The following TCF7 variants were observed in gnomAD, a reference collection of about 807,000 sequenced individuals.
The protein encoded by TCF7 is T-cell-factor-7.
Under a neutral mutation model 46.8 loss-of-function variants are expected in TCF7, and 19 were observed. That is an observed-to-expected ratio of 0.41 (90% CI 0.28 to 0.60). The LOEUF is 0.60. Ranked by LOEUF, TCF7 falls within the 20% of genes least tolerant of loss-of-function variation. TCF7 has a pLI of 0.35. For synonymous variants in TCF7, 245 were observed against 213.4 expected (o/e 1.15, Z -1.29); for missense variants, 547 against 504.6 (o/e 1.08, Z -0.81).
intron 3 of TCF7, among the ~76,000 whole-genome samples, chr5:134,136,870 C>G (rs1758938619): frequency 1.3e-5 from 2 of 152,220 alleles, no homozygotes; most frequent in Admixed American, 1.3e-4. Flanking sequence ...TGTCCCGTTT[C>G]CTCTGTGCCA....
At chr5:134,145,243 C>A in intron 9 of TCF7, 1 of 553,464 alleles carries the variant, frequency 1.8e-6, no homozygotes, top group Non-Finnish European at 3.5e-6. Context: ...CATGGGCTCC[C>A]TCACTTCCTC....
chr5:134,114,570 A>C (rs1487669378), upstream of TCF7: 1 of 151,658 alleles, frequency 6.6e-6, no homozygotes, highest in Non-Finnish European at 1.5e-5. Flanking sequence ...CGAGCCCTTT[A>C]AGGCTATGCC....
At chr5:134,126,353 A>G (rs1757343380) in intron 3 of TCF7, among the ~76,000 whole-genome samples, 1 of 152,154 alleles carries the variant, frequency 6.6e-6, no homozygotes, top group Non-Finnish European at 1.5e-5. Flanking sequence ...CCAAGGCCAC[A>G]GGGTCGATGG....
Position 134,146,656 on chromosome 5 carries a change from G to GAACT in TCF7, c.*353_*354insAACT. On this transcript the variant is annotated 3_prime_UTR_variant, in exon 10 of 10. Transcript: ENST00000342854. ...GACCCTGAAGATTTCAGAGGCTGCAGGACTTCTGCCTGAACCTGGGGTCAT... is the reference window on the plus strand; with the variant it reads ...GACCCTGAAGATTTCAGAGGCTGCAGAACTGACTTCTGCCTGAACCTGGGGTCAT... The GAACT allele has an allele frequency of 3.1e-6, 2 of 654,170 alleles. No individual in the cohort carries two copies. The highest frequency in any genetic ancestry group is 5.5e-6 in the Non-Finnish European group (2 of 366,696). The allele number at this position is 654,170 out of a possible 1,614,324, so 40.5% of individuals were successfully genotyped here.
At chr5:134,118,363 C>T (rs1469837525) in intron 3 of TCF7, among the ~76,000 whole-genome samples, 3 of 152,208 alleles carry the variant, frequency 2.0e-5, no homozygotes, top group Admixed American at 2.0e-4. Context: ...TTGCCCTTTG[C>T]CCGGCCCTCT....
intron 8 of TCF7, 49 bp downstream of exon 8, chr5:134,143,149 A>G: frequency 6.5e-7 from 1 of 1,530,020 alleles, no homozygotes; most frequent in Non-Finnish European, 8.9e-7. Flanking sequence ...ACCCTTTGAG[A>G]TACCATGCCC....
chr5:134,139,370 G>A (rs1759393833), intron 5 of TCF7: 1 of 275,580 alleles, frequency 3.6e-6, no homozygotes, highest in East Asian at 6.5e-5. Context: ...GGCCATATGA[G>A]TAACTGAGGA....
At chr5:134,115,798 C>A in intron 2 of TCF7, 111 bp from the exon 3 acceptor site, 1 of 1,553,502 alleles carries the variant, frequency 6.4e-7, no homozygotes, top group South Asian at 1.2e-5. Context: ...CTTCCCAAGT[C>A]AGGAACTTGC....
intron 9 of TCF7, chr5:134,144,905 T>TAA: frequency 6.3e-7 from 1 of 1,580,094 alleles, no homozygotes; most frequent in South Asian, 1.1e-5. Flanking sequence ...CCCTTTGCTT[T>TAA]AAGCTGCTTC....
In TCF7 at chr5:134,146,462, C is replaced by T. The variant is rs746365157; in HGVS notation, c.*159C>T. 126 of 830,878 alleles carry T rather than the reference C, an allele frequency of 1.5e-4. No individual in the cohort carries two copies. The highest frequency in any genetic ancestry group is 2.4e-4 in the African/African-American group (14 of 59,426). The allele number at this position is 830,878 out of a possible 1,614,324, so 51.5% of individuals were successfully genotyped here. A position where few individuals can be genotyped will look rare whatever the true frequency, so the allele number is the denominator to read the frequency against. On this transcript the variant is annotated 3_prime_UTR_variant, in exon 10 of 10. Coordinates refer to ENST00000342854, the MANE Select transcript of TCF7 (RefSeq NM_003202.5). The stretch of plus-strand genomic sequence containing the variant: ...AACCCCAGGGCCCCCACAGGCCCCC[C>T]GCAGCACCCTGCAGAGCACACAGGT...
upstream of TCF7, among the ~76,000 whole-genome samples, chr5:134,110,584 C>T (rs777031605): frequency 3.9e-5 from 6 of 152,226 alleles, no homozygotes; most frequent in African/African-American, 1.2e-4. Context: ...GACCTGTAAC[C>T]GGGTTTTGCC....
At chr5:134,109,337 G>A in the TCF7 span, among the ~76,000 whole-genome samples, 3 of 152,170 alleles carry the variant, frequency 2.0e-5, no homozygotes, top group Admixed American at 6.5e-5. Flanking sequence ...TAGTGCAGGC[G>A]TATTCCTCTG....
chr5:134,113,405 A>T (rs1755390961), upstream of TCF7, among the ~76,000 whole-genome samples: 1 of 152,152 alleles, frequency 6.6e-6, no homozygotes, highest in Non-Finnish European at 1.5e-5. Context: ...TAGCTCTTTG[A>T]TCCACAGCCA....
chr5:134,139,425 CAG>C (rs1156634664), intron 5 of TCF7: 2 of 197,016 alleles, frequency 1.0e-5, no homozygotes, highest in Admixed American at 1.1e-4. Context: ...GAGTGGCTAC[CAG>C]AGAGGCTGCT....
chr5:134,135,468 A>G (rs918865174), intron 3 of TCF7, among the ~76,000 whole-genome samples: 39 of 152,310 alleles, frequency 2.6e-4, no homozygotes, highest in African/African-American at 8.7e-4. Flanking sequence ...GCAAGGAGGA[A>G]GTGGTGGGAT....
At chr5:134,110,493 C>T (rs1076157), upstream of TCF7, among the ~76,000 whole-genome samples, 6 of 152,334 alleles carry the variant, frequency 3.9e-5, no homozygotes, top group African/African-American at 9.6e-5. Flanking sequence ...TGGACACACA[C>T]GCCCCAACAA....
chr5:134,143,286 T>A, intron 8 of TCF7, 186 bp downstream of exon 8: 1 of 756,272 alleles, frequency 1.3e-6, no homozygotes, highest in Non-Finnish European at 2.3e-6. Flanking sequence ...TATTCTCCAC[T>A]CCAGAATATG....
intron 9 of TCF7, chr5:134,144,936 A>T: frequency 1.4e-6 from 2 of 1,420,382 alleles, no homozygotes; most frequent in South Asian, 2.3e-5. Flanking sequence ...CACATGTTCC[A>T]CTGGGCCTGC....
chr5:134,138,753 T>C, intron 4 of TCF7, 198 bp from the exon 5 acceptor site: 3 of 808,012 alleles, frequency 3.7e-6, no homozygotes, highest in Non-Finnish European at 5.6e-6. Flanking sequence ...ACCCCAGCCC[T>C]CTGCCCTGGG....
Sources: allele counts gnomAD v4.1 joint callset (sites outside exome capture counted in the v4.1 genomes callset), GRCh38; gene constraint gnomAD v4.1.1; transcripts MANE v1.5; gene names NCBI Gene and HGNC (gene_info 2026-07-23, HGNC 2026-07-21).